The following ARID1B variants were observed in gnomAD, a reference collection of about 807,000 sequenced individuals.
ARID1B encodes the protein AT-rich interactive domain-containing protein 1B.
Under a neutral mutation model 212.3 loss-of-function variants are expected in ARID1B, and 30 were observed. The ratio of observed to expected loss-of-function variants is 0.14; its 90% CI spans 0.11 to 0.19. The LOEUF is 0.19. ARID1B is among the 10% of genes least tolerant of loss of function. The pLI is 1.00. For synonymous variants in ARID1B, 1,402 were observed against 1,301.7 expected, an observed-to-expected ratio of 1.08 and a Z score of -1.66; for missense variants, 2,891 against 3,204.0, an observed-to-expected ratio of 0.90 and a Z score of 2.36.
At chr6:156,878,259 G>A (rs558368652) in intron 2 of ARID1B, among the ~76,000 whole-genome samples, 6 of 152,128 alleles carry the variant, frequency 3.9e-5, no homozygotes, top group South Asian at 4.2e-4. Context: ...AGGTGTAAGC[G>A]ATGAAGACCG....
At chr6:156,949,581 G>T (rs1415153232) in intron 4 of ARID1B, among the ~76,000 whole-genome samples, 1 of 152,208 alleles carries the variant, frequency 6.6e-6, no homozygotes, top group Non-Finnish European at 1.5e-5. Flanking sequence ...ACTGGAACAG[G>T]CGGCTGACTC....
chr6:156,791,375 A>G (rs1259580459), intron 1 of ARID1B, among the ~76,000 whole-genome samples: 1 of 152,208 alleles, frequency 6.6e-6, no homozygotes, highest in African/African-American at 2.4e-5. Context: ...CATGATCAAA[A>G]TATTTTTCCC....
chr6:157,130,124 G>A (rs955048067), intron 6 of ARID1B, among the ~76,000 whole-genome samples: 3 of 151,744 alleles, frequency 2.0e-5, no homozygotes, highest in Admixed American at 6.6e-5. Flanking sequence ...AGATGAGATC[G>A]TGCCACTGCA....
intron 4 of ARID1B, among the ~76,000 whole-genome samples, chr6:156,968,852 G>A (rs1013281279): frequency 1.3e-5 from 2 of 152,240 alleles, no homozygotes; most frequent in Non-Finnish European, 2.9e-5. Flanking sequence ...TCAGTGAATG[G>A]TGGTGATTTT....
Position 157,110,547 on chromosome 6 carries a change from T to C in ARID1B, c.2567T>C (p.Met856Thr), listed in dbSNP as rs770027363. 5 of 1,614,202 alleles carry C rather than the reference T, an allele frequency of 3.1e-6. No individual in the cohort carries two copies. Among genetic ancestry groups the C allele is most frequent in the Non-Finnish European group, 3.4e-6 (4 of 1,180,030 alleles). ...CATCCCGCCTTGAGCCAGTCACCAA[T>C]GCCACAGGAAAGAGGTTCGTCTCCA... is the stretch of plus-strand genomic sequence containing the variant. ...SSHPALSQSP[M>T]PQERGFMAGT... Residue 856 changes from methionine (M) to threonine (T), a missense_variant, in exon 6 of 20, where the codon ATG becomes ACG. This residue lies in a region of ARID1B where 1,643 missense variants were observed against 1,544.0 expected (regional missense o/e 1.06). Coordinates refer to ENST00000636930, the MANE Select transcript of ARID1B (RefSeq NM_001374828.1).
At chr6:156,930,774 TAA>T (rs147486939) in intron 3 of ARID1B, among the ~76,000 whole-genome samples, 4,084 of 152,310 alleles carry the variant, frequency 0.027, 93 homozygotes, top group Non-Finnish European at 0.039. Context: ...TACAATATAT[TAA>T]GAGGCTGAAC....
intron 1 of ARID1B, among the ~76,000 whole-genome samples, chr6:156,801,576 A>G (rs1678501501): frequency 1.3e-5 from 2 of 152,220 alleles, no homozygotes; most frequent in South Asian, 2.1e-4. Flanking sequence ...ATGAAAAACC[A>G]TTAAAACCAC....
At chr6:156,818,667 G>C (rs1782143104) in intron 1 of ARID1B, among the ~76,000 whole-genome samples, 1 of 152,128 alleles carries the variant, frequency 6.6e-6, no homozygotes, top group African/African-American at 2.4e-5. Context: ...GTGAACCCAG[G>C]TGTACCTGAT....
chr6:156,811,706 C>T (rs1368794098), intron 1 of ARID1B, among the ~76,000 whole-genome samples: 1 of 152,218 alleles, frequency 6.6e-6, no homozygotes, highest in African/African-American at 2.4e-5. Flanking sequence ...AGAACCCATG[C>T]TCATGGCCTC....
chr6:156,778,409 A>G lies in ARID1B; in HGVS notation c.729A>G (p.Gly243=), dbSNP rs2114973585. ...CCGACATGGAGCAGCCGCAACATGG[A>G]GGCGCCAAGGACAGTGCTGCGGGCG... The part of the protein sequence containing the change: ...PGPDMEQPQH[G]GAKDSAAGGQ... The change falls in exon 1 of 20, where the codon GGA becomes GGG. Residue 243 remains glycine (G), a synonymous_variant. Coordinates refer to ENST00000636930, the MANE Select transcript of ARID1B (RefSeq NM_001374828.1). The G allele has an allele frequency of 6.5e-7, 1 of 1,532,552 alleles. No homozygotes were observed. Among genetic ancestry groups the G allele is most frequent in the Non-Finnish European group, 8.7e-7 (1 of 1,144,710 alleles). 94.9% of individuals were successfully genotyped at this position (1,532,552 alleles called of 1,614,324 possible).
At chr6:156,900,907 T>C (rs1788872824) in intron 2 of ARID1B, among the ~76,000 whole-genome samples, 1 of 152,212 alleles carries the variant, frequency 6.6e-6, no homozygotes, top group African/African-American at 2.4e-5. Flanking sequence ...ATGCCGTTGG[T>C]ATATTCTGAC....
In ARID1B at chr6:157,167,166, C is replaced by G. The variant is rs763236835; in HGVS notation, c.3216C>G (p.Ala1072=). 1.2e-6 allele frequency: 2 copies of G among 1,608,352 alleles called. No individual in the cohort carries two copies. Among genetic ancestry groups the G allele is most frequent in the African/African-American group, 2.7e-5 (2 of 74,918 alleles). ...TQAPPYSMAP[A]MVNSSAASVG... ...CGCCGCCCTACAGCATGGCGCCCGC[C>G]ATGGTGAACAGCTCGGCAGGTAACC... The change falls in exon 9 of 20, where the codon GCC becomes GCG. Residue 1072 remains alanine (A), a synonymous_variant. Coordinates refer to ENST00000636930, the MANE Select transcript of ARID1B (RefSeq NM_001374828.1).
intron 7 of ARID1B, among the ~76,000 whole-genome samples, chr6:157,142,359 C>T (rs1789420459): frequency 6.6e-6 from 1 of 152,140 alleles, no homozygotes; most frequent in Admixed American, 6.5e-5. Context: ...GGCACATTGG[C>T]TCACGCCTGT....
At chr6:156,804,059 G>C (rs1780981516) in intron 1 of ARID1B, among the ~76,000 whole-genome samples, 1 of 152,158 alleles carries the variant, frequency 6.6e-6, no homozygotes, top group South Asian at 2.1e-4. Context: ...CTCAAGGCTG[G>C]GCATGGTGGC....
intron 4 of ARID1B, among the ~76,000 whole-genome samples, chr6:156,967,596 ATATT>A (rs1375046865): frequency 6.6e-6 from 1 of 152,200 alleles, no homozygotes; most frequent in African/African-American, 2.4e-5. Context: ...AGACAGAAGA[ATATT>A]AATTTGCCCT....
chr6:157,002,378 TG>T (rs1397046062), intron 4 of ARID1B, among the ~76,000 whole-genome samples: 1 of 152,242 alleles, frequency 6.6e-6, no homozygotes, highest in Non-Finnish European at 1.5e-5. Context: ...TCCTTTAACC[TG>T]TGGATTCTAA....
At chr6:157,167,628 T>C (rs1791428053) in intron 9 of ARID1B, 1 of 156,466 alleles carries the variant, frequency 6.4e-6, no homozygotes, top group Non-Finnish European at 1.4e-5. Context: ...CCTCTAAATG[T>C]ATGCTCGGAA....
intron 2 of ARID1B, 193 bp downstream of exon 2, chr6:156,829,614 T>G: frequency 3.3e-6 from 2 of 607,498 alleles, no homozygotes; most frequent in Non-Finnish European, 5.4e-6. Context: ...CTTCTTAAAG[T>G]GGACAGAATA....
In ARID1B at chr6:157,207,367, C is replaced by T; in HGVS notation, c.6595C>T (p.Leu2199=). Residue 2199 remains leucine (L), a synonymous_variant, in exon 20 of 20, where the codon CTG becomes TTG. Transcript: ENST00000636930. This position sits in a 1 kb window ranked among gnomAD's most constrained non-coding sequence, Gnocchi z 8.5. ...PFPTVGPNSV[L]SPQRLVLETL... Reference sequence around the variant, plus strand: ...TCCAACTGTGGGACCCAACTCGGTCCTGTCGCCTCAGAGACTTGTGCTGGA... The same window carrying T: ...TCCAACTGTGGGACCCAACTCGGTCTTGTCGCCTCAGAGACTTGTGCTGGA... 1 of 1,614,216 alleles carries T rather than the reference C, an allele frequency of 6.2e-7. No individual in the cohort carries two copies. Among genetic ancestry groups the T allele is most frequent in the South Asian group, 1.1e-5 (1 of 91,086 alleles).
Sources: gnomAD v4.1 joint callset for allele counts (sites outside exome capture counted in the v4.1 genomes callset) on GRCh38, gnomAD v4.1.1 for gene constraint, gnomAD v4.1.1 regional missense constraint, Gnocchi (gnomAD v3.1) non-coding constraint, MANE v1.5 for transcripts, NCBI Gene and HGNC (gene_info 2026-07-23, HGNC 2026-07-21) for gene names.